LDB2: variants seen among roughly 807,000 people sequenced by gnomAD.
LDB2 encodes LIM domain-binding protein 2.
LDB2 carries 12 observed loss-of-function variants against 44.3 expected under a neutral mutation model. The observed-to-expected ratio is 0.27, with a 90% CI of 0.17 to 0.44. LDB2 has a LOEUF of 0.44. Ranked by LOEUF, LDB2 falls within the 20% of genes least tolerant of loss-of-function variation. LDB2 has a pLI of 1.00. For missense variants in LDB2, 344 were observed against 473.5 expected, an observed-to-expected ratio of 0.73 and a Z score of 2.54; for synonymous variants, 164 against 174.8, an observed-to-expected ratio of 0.94 and a Z score of 0.49.
At chr4:16,809,285 A>G (rs1779333821) in intron 1 of LDB2, among the ~76,000 whole-genome samples, 1 of 152,234 alleles carries the variant, frequency 6.6e-6, no homozygotes. Context: ...TTACTTTTGT[A>G]TATAAGCTCA....
At chr4:16,693,885 T>A (rs1260620763) in intron 2 of LDB2, among the ~76,000 whole-genome samples, 1 of 152,170 alleles carries the variant, frequency 6.6e-6, no homozygotes, top group Non-Finnish European at 1.5e-5. Flanking sequence ...CCATCCTTTC[T>A]CTCCCTCTCA....
At chr4:16,510,278 C>T (rs756761511) in intron 6 of LDB2, among the ~76,000 whole-genome samples, 2 of 152,060 alleles carry the variant, frequency 1.3e-5, no homozygotes, top group Non-Finnish European at 2.9e-5. Context: ...ATTTTTTTAT[C>T]GTCCCTAAAT....
intron 7 of LDB2, among the ~76,000 whole-genome samples, chr4:16,504,764 CCA>C (rs1195765172): frequency 6.6e-6 from 1 of 152,048 alleles, no homozygotes; most frequent in South Asian, 2.1e-4. Flanking sequence ...TAAAAGAGTG[CCA>C]CTGAGTTATA....
chr4:16,660,459 C>T (rs1039446016), intron 2 of LDB2, among the ~76,000 whole-genome samples: 40 of 152,146 alleles, frequency 2.6e-4, no homozygotes, highest in African/African-American at 9.7e-4. Flanking sequence ...TAACAAGGTA[C>T]ATATAGATAA....
At chr4:16,746,718 C>T (rs912615574) in intron 2 of LDB2, among the ~76,000 whole-genome samples, 2 of 152,056 alleles carry the variant, frequency 1.3e-5, no homozygotes, top group Non-Finnish European at 2.9e-5. Flanking sequence ...ACCCAGGAGG[C>T]GGAGGTTGCA....
chr4:16,764,398 T>G (rs780769108), intron 1 of LDB2, among the ~76,000 whole-genome samples: 1 of 151,894 alleles, frequency 6.6e-6, no homozygotes, highest in Non-Finnish European at 1.5e-5. Context: ...GTTTAGGGAG[T>G]GGCTGAAATA....
At chr4:16,869,770 C>A (rs7674608) in intron 1 of LDB2, among the ~76,000 whole-genome samples, 1,582 of 152,312 alleles carry the variant, frequency 0.01, 29 homozygotes, top group African/African-American at 0.036. Flanking sequence ...GCTGGTCATA[C>A]CAATACGTAG....
intron 5 of LDB2, among the ~76,000 whole-genome samples, chr4:16,546,441 C>T (rs1326836571): frequency 6.6e-6 from 1 of 152,224 alleles, no homozygotes; most frequent in Non-Finnish European, 1.5e-5. Flanking sequence ...CACTTACCTG[C>T]CACTTCAACA....
intron 1 of LDB2, among the ~76,000 whole-genome samples, chr4:16,830,641 A>G (rs1045501667): frequency 1.2e-4 from 19 of 152,242 alleles, no homozygotes; most frequent in African/African-American, 4.6e-4. Context: ...AAGAGCAAGC[A>G]TATTCCTTTT....
At chr4:16,742,338 G>A (rs1205214457) in intron 2 of LDB2, among the ~76,000 whole-genome samples, 1 of 152,032 alleles carries the variant, frequency 6.6e-6, no homozygotes, top group Non-Finnish European at 1.5e-5. Flanking sequence ...CCAAAGTGCT[G>A]GGATTACAGG....
intron 1 of LDB2, among the ~76,000 whole-genome samples, chr4:16,858,327 T>C (rs1216732067): frequency 6.6e-6 from 1 of 152,186 alleles, no homozygotes; most frequent in African/African-American, 2.4e-5. Flanking sequence ...GCTTTATAAA[T>C]GCAAGGAATT....
At chr4:16,521,731 A>T (rs999074644) in intron 5 of LDB2, among the ~76,000 whole-genome samples, 1 of 152,120 alleles carries the variant, frequency 6.6e-6, no homozygotes, top group Admixed American at 6.5e-5. Flanking sequence ...AGGAGTGGCA[A>T]TTGCTAATCT....
intron 5 of LDB2, among the ~76,000 whole-genome samples, chr4:16,572,784 CG>C (rs1053869502): frequency 2.6e-5 from 4 of 152,140 alleles, no homozygotes; most frequent in African/African-American, 9.7e-5. Context: ...AAGTGCCCTT[CG>C]GGTGTTCCAA....
chr4:16,599,381 C>A (rs1000243790), intron 2 of LDB2, among the ~76,000 whole-genome samples: 1 of 152,128 alleles, frequency 6.6e-6, no homozygotes, highest in Admixed American at 6.5e-5. Flanking sequence ...GCATCATTCT[C>A]ACTCTGTCTT....
chr4:16,626,285 A>G (rs1040520859), intron 2 of LDB2, among the ~76,000 whole-genome samples: 3 of 152,208 alleles, frequency 2.0e-5, no homozygotes, highest in Non-Finnish European at 4.4e-5. Context: ...TTACTAGACT[A>G]CTTGGAGAAC....
At chr4:16,777,709 C>T (rs566905933) in intron 1 of LDB2, among the ~76,000 whole-genome samples, 10 of 152,200 alleles carry the variant, frequency 6.6e-5, no homozygotes, top group African/African-American at 1.7e-4. Flanking sequence ...CTTCTGGCCT[C>T]GGTTTCCCCA....
intron 1 of LDB2, among the ~76,000 whole-genome samples, chr4:16,865,126 C>G (rs550648511): frequency 3.3e-5 from 5 of 152,076 alleles, no homozygotes; most frequent in Admixed American, 6.5e-5. Context: ...GTGGTGTGAG[C>G]CTGTAGTCCC....
At chr4:16,799,451 C>T (rs1027220256) in intron 1 of LDB2, among the ~76,000 whole-genome samples, 1 of 152,210 alleles carries the variant, frequency 6.6e-6, no homozygotes, top group Non-Finnish European at 1.5e-5. Context: ...GTGACAAATA[C>T]TTGTCAGAGC....
chr4:16,664,039 G>GAA (rs35111366), intron 2 of LDB2, among the ~76,000 whole-genome samples: 1 of 151,700 alleles, frequency 6.6e-6, no homozygotes, highest in Non-Finnish European at 1.5e-5. Flanking sequence ...AAGAGAGAGA[G>GAA]AAAAAAAGGG....
Sources: allele counts gnomAD v4.1 joint callset (sites outside exome capture counted in the v4.1 genomes callset), GRCh38; gene constraint gnomAD v4.1.1; transcripts MANE v1.5; gene names NCBI Gene and HGNC (gene_info 2026-07-23, HGNC 2026-07-21).